The following RASAL2 variants were observed in gnomAD, a reference collection of about 807,000 sequenced individuals.
The protein encoded by RASAL2 is ras GTPase-activating protein nGAP.
A neutral mutation model predicts 128.9 loss-of-function variants in RASAL2; 58 were observed. That is an observed-to-expected ratio of 0.45 (90% confidence interval 0.36 to 0.56). The LOEUF is 0.56. Ranked by LOEUF, RASAL2 falls within the 20% of genes least tolerant of loss-of-function variation. The pLI, the probability that RASAL2 is intolerant of heterozygous loss-of-function variation, is 0.00. For synonymous variants in RASAL2, 561 were observed against 580.8 expected, an observed-to-expected ratio of 0.97 and a Z score of 0.49; for missense variants, 1,360 against 1,601.6, an observed-to-expected ratio of 0.85 and a Z score of 2.57.
At chr1:178,125,926 T>C (rs372464910) in intron 1 of RASAL2, among the ~76,000 whole-genome samples, 6 of 152,212 alleles carry the variant, frequency 3.9e-5, no homozygotes, top group African/African-American at 1.4e-4. Flanking sequence ...AATTGGCAGA[T>C]ACTTGGACAC....
At chr1:178,110,654 G>GTGTATACATATATATATATATA (rs1659284790) in intron 1 of RASAL2, among the ~76,000 whole-genome samples, 1 of 27,030 alleles carries the variant, frequency 3.7e-5, no homozygotes, top group African/African-American at 9.8e-5. Flanking sequence ...ATATATATAT[G>GTGTATACATATATATATATATA]TATGTATACT....
intron 1 of RASAL2, among the ~76,000 whole-genome samples, chr1:178,129,906 CAT>C (rs761036061): frequency 5.9e-4 from 89 of 152,124 alleles, no homozygotes; most frequent in Non-Finnish European, 4.0e-4. Flanking sequence ...CACGTGAAAA[CAT>C]GTTTTTTTCT....
intron 3 of RASAL2, among the ~76,000 whole-genome samples, chr1:178,373,799 G>A (rs1244024977): frequency 6.6e-6 from 1 of 152,022 alleles, no homozygotes; most frequent in African/African-American, 2.4e-5. Flanking sequence ...CTGATTAAGG[G>A]AGTTAGTAAA....
intron 5 of RASAL2, among the ~76,000 whole-genome samples, chr1:178,433,749 C>T (rs1041319611): frequency 1.3e-5 from 2 of 151,952 alleles, no homozygotes; most frequent in Non-Finnish European, 2.9e-5. Context: ...CCCGTCTCTA[C>T]TAAAAATACA....
chr1:178,140,579 A>G (rs1378517337), intron 1 of RASAL2, among the ~76,000 whole-genome samples: 1 of 152,194 alleles, frequency 6.6e-6, no homozygotes, highest in Non-Finnish European at 1.5e-5. Flanking sequence ...GTCAGACAGT[A>G]TGTAGCCTGG....
chr1:178,253,900 C>T (rs1486154648), intron 1 of RASAL2, among the ~76,000 whole-genome samples: 6 of 152,166 alleles, frequency 3.9e-5, no homozygotes, highest in Admixed American at 6.5e-5. Flanking sequence ...GATGGCTTAG[C>T]TTGGGCTCAG....
At chr1:178,153,140 G>A (rs1660969983) in intron 1 of RASAL2, among the ~76,000 whole-genome samples, 1 of 152,054 alleles carries the variant, frequency 6.6e-6, no homozygotes. Flanking sequence ...CAAAGAAACA[G>A]GGTTGATTAT....
chr1:178,203,735 G>A (rs1020167609), intron 1 of RASAL2, among the ~76,000 whole-genome samples: 3 of 152,210 alleles, frequency 2.0e-5, no homozygotes, highest in Admixed American at 2.0e-4. Flanking sequence ...GGAAGTTACT[G>A]TGTTGGCTGG....
rs528177925 is a variant in RASAL2, at chr1:178,442,623, T to C, written c.928-52T>C. 8 of 1,491,548 alleles carry C rather than the reference T, an allele frequency of 5.4e-6. No individual in the cohort carries two copies. The South Asian group carries it at 1.1e-4, about 20-fold the overall frequency. The allele number at this position is 1,491,548 out of a possible 1,614,324, so 92.4% of individuals were successfully genotyped here. ...CATTGCCAACTTAAGAAAAAAATGT[T>C]TTTTTTTCTGCAATGTCAGCTCTGA... On this transcript the variant is annotated intron_variant, in intron 7 of 17. Transcript: ENST00000367649.
At chr1:178,412,962 TTTTCTTTC>T (rs557060349) in intron 4 of RASAL2, among the ~76,000 whole-genome samples, 115 of 151,974 alleles carry the variant, frequency 7.6e-4, no homozygotes, top group African/African-American at 2.3e-3. Context: ...TTCTCTTTCT[TTTTCTTTC>T]TTTCTTTCTT....
intron 3 of RASAL2, among the ~76,000 whole-genome samples, chr1:178,357,975 C>T (rs1670898321): frequency 6.6e-6 from 1 of 151,878 alleles, no homozygotes; most frequent in African/African-American, 2.4e-5. Flanking sequence ...GTGCCTCACA[C>T]CTGTAATCCC....
chr1:178,137,519 A>G (rs1271713855), intron 1 of RASAL2, among the ~76,000 whole-genome samples: 4 of 152,234 alleles, frequency 2.6e-5, no homozygotes, highest in African/African-American at 7.2e-5. Context: ...TCTAAGGCAC[A>G]TACAATCCCA....
chr1:178,393,541 T>C (rs1230248071), intron 4 of RASAL2, among the ~76,000 whole-genome samples: 1 of 152,210 alleles, frequency 6.6e-6, no homozygotes, highest in African/African-American at 2.4e-5. Context: ...GATGTTTTAC[T>C]CGCTCACCTG....
chr1:178,208,356 T>C (rs1663126848), intron 1 of RASAL2, among the ~76,000 whole-genome samples: 1 of 152,104 alleles, frequency 6.6e-6, no homozygotes, highest in African/African-American at 2.4e-5. Context: ...GGGAAAGGAA[T>C]GCATTCCTTG....
chr1:178,233,344 C>G (rs1664088168), intron 1 of RASAL2, among the ~76,000 whole-genome samples: 1 of 152,216 alleles, frequency 6.6e-6, no homozygotes, highest in Non-Finnish European at 1.5e-5. Context: ...TATCGAAGAT[C>G]TTTGTCAGAA....
intron 4 of RASAL2, chr1:178,411,779 CT>C: frequency 3.8e-6 from 3 of 781,788 alleles, no homozygotes; most frequent in Admixed American, 1.7e-5. Flanking sequence ...CCATGTGCTG[CT>C]TTTTTGGCTG....
At position 178,458,828 on chromosome 1, in the gene RASAL2, A is replaced by G. The variant is rs57278193; in HGVS notation, c.3252+284A>G. On this transcript the variant is annotated intron_variant, in intron 14 of 17. Transcript: ENST00000367649. The stretch of plus-strand genomic sequence containing the variant: ...CTCAGTTTGCACTTAGAGCAAATCT[A>G]TGATGTTGAATGAATAATTAGATAC... 7.5e-3 allele frequency among the ~76,000 whole-genome samples: 1,146 copies of G among 152,292 alleles called. 14 individuals are homozygous for G. The highest frequency in any genetic ancestry group is 0.026 in the African/African-American group (1,069 of 41,562).
At chr1:178,444,002 G>A (rs530604211) in intron 8 of RASAL2, among the ~76,000 whole-genome samples, 29 of 151,952 alleles carry the variant, frequency 1.9e-4, no homozygotes, top group Admixed American at 4.6e-4. Context: ...TTGATATGTC[G>A]GAATATATCA....
intron 1 of RASAL2, among the ~76,000 whole-genome samples, chr1:178,158,091 C>T (rs1363913188): frequency 1.3e-5 from 2 of 152,104 alleles, no homozygotes. Flanking sequence ...ATCAAGAGAC[C>T]AGGTTAGGTA....
Sources: allele counts gnomAD v4.1 joint callset (sites outside exome capture counted in the v4.1 genomes callset), GRCh38; gene constraint gnomAD v4.1.1; transcripts MANE v1.5; gene names NCBI Gene and HGNC (gene_info 2026-07-23, HGNC 2026-07-21).